CCT5: variants seen among roughly 807,000 people sequenced by gnomAD.
The protein encoded by CCT5 is T-complex protein 1 subunit epsilon.
In CCT5, 6 loss-of-function variants were observed where a neutral mutation model predicts 55.0. The ratio of observed to expected loss-of-function variants is 0.11; its 90% confidence interval spans 0.06 to 0.22. The LOEUF (loss-of-function observed/expected upper bound fraction) is 0.22, where lower values mean the gene tolerates loss of function less well. Ranked by LOEUF, CCT5 falls within the 10% of genes least tolerant of loss-of-function variation. The pLI, the probability that CCT5 is intolerant of heterozygous loss-of-function variation, is 1.00. For missense variants in CCT5, 560 were observed against 694.6 expected (o/e 0.81, Z 2.18); for synonymous variants, 231 against 243.7 (o/e 0.95, Z 0.49).
intron 2 of CCT5, 32 bp downstream of exon 2, chr5:10,254,237 A>G: frequency 2.9e-6 from 4 of 1,394,562 alleles, no homozygotes; most frequent in Non-Finnish European, 4.1e-6. Flanking sequence ...TTTTTTAGCA[A>G]AAGATTTAAA....
chr5:10,264,456 C>G, intron 10 of CCT5, 200 bp from the exon 11 acceptor site: 1 of 549,178 alleles, frequency 1.8e-6, no homozygotes, highest in Non-Finnish European at 3.3e-6. Flanking sequence ...TTACCAGGTG[C>G]GAGTTCCAGA....
chr5:10,249,945 G>A, upstream of CCT5: 1 of 982,568 alleles, frequency 1.0e-6, no homozygotes, highest in Admixed American at 2.4e-5. Context: ...CCGGAAATGG[G>A]TCCTACCATC....
chr5:10,262,689 C>A, intron 9 of CCT5, 71 bp downstream of exon 9: 2 of 1,539,860 alleles, frequency 1.3e-6, no homozygotes, highest in South Asian at 1.1e-5. Flanking sequence ...AGCTGCGGAA[C>A]AGCGAGGTGC....
Position 10,258,060 on chromosome 5 carries a change from G to T in CCT5, c.531-51G>T, listed in dbSNP as rs753033282. The T allele has an allele frequency of 9.6e-6, 15 of 1,568,230 alleles. No homozygotes were observed. The South Asian group carries it at 1.6e-4, about 16-fold the overall frequency. ...ACATTGTGTTATGTGGCCTGCTTTGGTTGCAGTAATTGTGAAACCAATGAA... is the reference window on the plus strand; with the variant it reads ...ACATTGTGTTATGTGGCCTGCTTTGTTTGCAGTAATTGTGAAACCAATGAA... On this transcript the variant is annotated intron_variant, in intron 4 of 10. Coordinates refer to ENST00000280326, the MANE Select transcript of CCT5 (RefSeq NM_012073.5).
chr5:10,262,464 A>T lies in CCT5; in HGVS notation c.1180-17A>T. On this transcript the variant is annotated splice_polypyrimidine_tract_variant and intron_variant, in intron 8 of 10. Transcript: ENST00000280326. ...AGATCTTGATCACATTAATTCAGGC[A>T]AAGCTGTTTTCCTTAGATCATTGAG... The T allele has an allele frequency of 6.2e-7, 1 of 1,613,324 alleles. No individual in the cohort carries two copies. Among genetic ancestry groups the T allele is most frequent in the South Asian group, 1.1e-5 (1 of 91,054 alleles).
intron 7 of CCT5, chr5:10,261,325 G>A (rs1010544476): frequency 9.1e-5 from 51 of 563,502 alleles, no homozygotes; most frequent in Admixed American, 1.8e-4. Flanking sequence ...CTTAGGGGAC[G>A]GGCGCCGGGT....
In CCT5 at chr5:10,265,523, T is replaced by C. The variant is rs1011819897; in HGVS notation, c.*740T>C. On this transcript the variant is annotated 3_prime_UTR_variant, in exon 11 of 11. Coordinates refer to ENST00000280326, the MANE Select transcript of CCT5 (RefSeq NM_012073.5). ...TAAGGGAGAAATCTTGCAGTTACCATGTTCAGATAGAGTGACTGAAATTAA... is the reference window on the plus strand; with the variant it reads ...TAAGGGAGAAATCTTGCAGTTACCACGTTCAGATAGAGTGACTGAAATTAA... The C allele has an allele frequency of 1.3e-5, 2 of 152,304 alleles. No individual in the cohort carries two copies. Among genetic ancestry groups the C allele is most frequent in the Non-Finnish European group, 2.9e-5 (2 of 68,120 alleles). 9.4% of individuals were successfully genotyped at this position (152,304 alleles called of 1,614,324 possible). A position where few individuals can be genotyped will look rare whatever the true frequency, so the allele number is the denominator to read the frequency against.
At chr5:10,263,370 A>G (rs2126519359) in intron 10 of CCT5, 56 bp downstream of exon 10, 3 of 1,476,754 alleles carry the variant, frequency 2.0e-6, no homozygotes, top group African/African-American at 1.4e-5. Context: ...TTTAAACTGA[A>G]TAATCATCCA....
chr5:10,258,234 G>A lies in CCT5; in HGVS notation c.654G>A (p.Arg218=). Residue 218 remains arginine (R), a synonymous_variant, in exon 5 of 11, where the codon AGG becomes AGA. Transcript: ENST00000280326. ...LIKVEGKVGG[R]LEDTKLIKGV... ...AAGTAGAAGGCAAAGTGGGCGGCAG[G>A]CTGGAGGACACTAAACTGATTAAGG... 1 of 1,614,252 alleles carries A rather than the reference G, an allele frequency of 6.2e-7. No individual in the cohort carries two copies. The highest frequency in any genetic ancestry group is 1.3e-5 in the African/African-American group (1 of 75,058).
Position 10,250,479 on chromosome 5 carries a change from A to T in CCT5, c.105+34A>T, listed in dbSNP as rs774236879. 3 of 1,610,354 alleles carry T rather than the reference A, an allele frequency of 1.9e-6. No homozygotes were observed. In the African/African-American group the frequency reaches 4.0e-5, roughly 22 times the overall value. On this transcript the variant is annotated intron_variant, in intron 1 of 10. Coordinates refer to ENST00000280326, the MANE Select transcript of CCT5 (RefSeq NM_012073.5). Reference sequence around the variant, plus strand: ...ACAGGGACCTGCTCGCGGTGGGCTAAGGGGAGGTGGCCGAGGCCGTGGCTC... The same window carrying T: ...ACAGGGACCTGCTCGCGGTGGGCTATGGGGAGGTGGCCGAGGCCGTGGCTC...
In CCT5 at chr5:10,250,422, C is replaced by T. The variant is rs1297478583; in HGVS notation, c.82C>T (p.Leu28Phe). ...CAAGGATCAGGACCGCAAGTCCCGTCTTATGGGACTTGAGGCCCTCAAGGT... is the reference window on the plus strand; with the variant it reads ...CAAGGATCAGGACCGCAAGTCCCGTTTTATGGGACTTGAGGCCCTCAAGGT... The part of the protein sequence containing the change: ...IIKDQDRKSR[L>F]MGLEALKSHI... The change falls in exon 1 of 11, where the codon CTT (leucine) becomes TTT (phenylalanine). Residue 28 changes from leucine (L) to phenylalanine (F), a missense_variant. Transcript: ENST00000280326. 6.8e-6 allele frequency: 11 copies of T among 1,613,750 alleles called. No individual in the cohort carries two copies. Among genetic ancestry groups the T allele is most frequent in the Non-Finnish European group, 9.3e-6 (11 of 1,180,026 alleles).
At position 10,265,113 on chromosome 5, in the gene CCT5, A is replaced by G. The variant is rs1746156179; in HGVS notation, c.*330A>G. 3.4e-6 allele frequency: 1 copy of G among 294,904 alleles called. No homozygotes were observed. Among genetic ancestry groups the G allele is most frequent in the Admixed American group, 5.0e-5 (1 of 20,012 alleles). The allele number at this position is 294,904 out of a possible 1,614,324, so 18.3% of individuals were successfully genotyped here. A position where few individuals can be genotyped will look rare whatever the true frequency, so the allele number is the denominator to read the frequency against. On this transcript the variant is annotated 3_prime_UTR_variant, in exon 11 of 11. Transcript: ENST00000280326. ...GGGTGGATTTTTTTTTCTCAAAATA[A>G]GCTGTAGGGACTATTTTAACAGCTT...
chr5:10,258,611 G>A (rs1745798019), intron 6 of CCT5, 76 bp downstream of exon 6: 5 of 1,327,276 alleles, frequency 3.8e-6, no homozygotes, highest in Non-Finnish European at 5.4e-6. Flanking sequence ...TAGTAAATAT[G>A]TGTAGTCTTT....
At chr5:10,254,984 C>CTT (rs3070506) in intron 3 of CCT5, 146 bp downstream of exon 3, 1 of 715,750 alleles carries the variant, frequency 1.4e-6, no homozygotes, top group Non-Finnish European at 2.5e-6. Context: ...AAACAAATGT[C>CTT]GGACTTTCAA....
intron 4 of CCT5, among the ~76,000 whole-genome samples, chr5:10,256,586 A>G (rs1475848317): frequency 6.6e-6 from 1 of 151,606 alleles, no homozygotes. Flanking sequence ...GGTAGCACAC[A>G]CTTCAGCAAC....
rs535905689 is a variant in CCT5 at position 10,265,599 on chromosome 5, C to G, written c.*816C>G. 2 of 152,106 alleles carry G rather than the reference C, an allele frequency of 1.3e-5. No homozygotes were observed. The highest frequency in any genetic ancestry group is 2.9e-5 in the Non-Finnish European group (2 of 68,038). The allele number at this position is 152,106 out of a possible 1,614,324, so 9.4% of individuals were successfully genotyped here. A position where few individuals can be genotyped will look rare whatever the true frequency, so the allele number is the denominator to read the frequency against. ...CTAACAGTGATGGGCCAAGACGCTCCGAGAACTCTACCGGGATTGTCTGTT... is the reference window on the plus strand; with the variant it reads ...CTAACAGTGATGGGCCAAGACGCTCGGAGAACTCTACCGGGATTGTCTGTT... On this transcript the variant is annotated 3_prime_UTR_variant, in exon 11 of 11. Transcript: ENST00000280326.
chr5:10,262,352 A>T, intron 8 of CCT5, 129 bp from the exon 9 acceptor site: 1 of 996,252 alleles, frequency 1.0e-6, no homozygotes, highest in Admixed American at 1.9e-5. Flanking sequence ...AAAGATAAAT[A>T]TTATCCGATA....
At chr5:10,251,471 T>C (rs1427788586) in intron 1 of CCT5, among the ~76,000 whole-genome samples, 5 of 152,160 alleles carry the variant, frequency 3.3e-5, no homozygotes, top group Non-Finnish European at 7.4e-5. Context: ...GGGTTTGTTA[T>C]AAAGTGAATT....
chr5:10,255,553 C>T (rs981939647), intron 3 of CCT5, among the ~76,000 whole-genome samples: 1 of 147,890 alleles, frequency 6.8e-6, no homozygotes, highest in Non-Finnish European at 1.5e-5. Flanking sequence ...CTTTGCGACC[C>T]TAAAATGAGG....
Sources: gnomAD v4.1 joint callset for allele counts (sites outside exome capture counted in the v4.1 genomes callset) on GRCh38, gnomAD v4.1.1 for gene constraint, MANE v1.5 for transcripts, NCBI Gene and HGNC (gene_info 2026-07-23, HGNC 2026-07-21) for gene names.